The following PARD3 variants were observed in gnomAD, a reference collection of about 807,000 sequenced individuals.
PARD3 encodes the protein par-3 family cell polarity regulator, also known as partitioning defective 3 homolog.
PARD3 carries 75 observed loss-of-function variants against 155.4 expected under a neutral mutation model. That is an observed-to-expected ratio of 0.48 (90% CI 0.40 to 0.58). PARD3 has a LOEUF of 0.58. Ranked by LOEUF, PARD3 falls within the 20% of genes least tolerant of loss-of-function variation. The pLI is 0.00. For synonymous variants in PARD3, 576 were observed against 610.5 expected (o/e 0.94, Z 0.83); for missense variants, 1,642 against 1,721.7 (o/e 0.95, Z 0.82).
chr10:34,111,019 A>G lies in PARD3; in HGVS notation c.*150T>C, dbSNP rs983464640. On this transcript the variant is annotated 3_prime_UTR_variant, in exon 25 of 25. Coordinates refer to ENST00000374788, the MANE Select transcript of PARD3 (RefSeq NM_001184785.2). ...AGTGGCAAAGACATTAAGGCCTTCC[A>G]TTTCTTTGCCTACACCGCTTAAAGG... The G allele has an allele frequency of 1.3e-6, 1 of 791,900 alleles. No homozygotes were observed. Among genetic ancestry groups the G allele is most frequent in the East Asian group, 2.5e-5 (1 of 39,542 alleles). 49.1% of individuals were successfully genotyped at this position (791,900 alleles called of 1,614,324 possible).
chr10:34,637,712 A>C (rs2092531704), intron 2 of PARD3, among the ~76,000 whole-genome samples: 1 of 152,188 alleles, frequency 6.6e-6, no homozygotes, highest in African/African-American at 2.4e-5. Flanking sequence ...GGCAGAGCAA[A>C]TGGGGAATCA....
At chr10:34,613,458 T>C (rs779856144) in intron 2 of PARD3, among the ~76,000 whole-genome samples, 4 of 152,252 alleles carry the variant, frequency 2.6e-5, no homozygotes, top group Non-Finnish European at 5.9e-5. Flanking sequence ...AATAGAGCTA[T>C]GTATCATAAA....
chr10:34,741,188 T>G (rs990235360), intron 1 of PARD3, among the ~76,000 whole-genome samples: 1 of 138,538 alleles, frequency 7.2e-6, no homozygotes, highest in African/African-American at 2.6e-5. Context: ...TTTTTTTTTT[T>G]TTTTTTGTTT....
chr10:34,218,013 G>A (rs1055951191), intron 22 of PARD3, among the ~76,000 whole-genome samples: 3 of 152,076 alleles, frequency 2.0e-5, no homozygotes, highest in Non-Finnish European at 4.4e-5. Flanking sequence ...GTTTGTGACC[G>A]ATGCCAGAAT....
intron 22 of PARD3, among the ~76,000 whole-genome samples, chr10:34,134,193 G>A (rs1441300161): frequency 6.6e-6 from 1 of 152,162 alleles, no homozygotes; most frequent in Non-Finnish European, 1.5e-5. Flanking sequence ...AACCGTAATG[G>A]TGTAGGCATG....
chr10:34,353,925 CTT>C lies in PARD3; in HGVS notation c.2067+5220_2067+5221del, dbSNP rs1220420639. On this transcript the variant is annotated intron_variant, in intron 14 of 24. Coordinates refer to ENST00000374788, the MANE Select transcript of PARD3 (RefSeq NM_001184785.2). ...GGCTTTAAACAATGGGAAGCCATCT[CTT>C]TTTCTTTGAAGAAAGAAAAAAGAAA... 8.6e-5 allele frequency among the ~76,000 whole-genome samples: 13 copies of C among 151,364 alleles called. No individual in the cohort carries two copies. In the East Asian group the frequency reaches 2.5e-3, roughly 29 times the overall value.
At chr10:34,799,982 A>ATGTTTTTATGTTTTATGT (rs1842697183) in intron 1 of PARD3, among the ~76,000 whole-genome samples, 1 of 151,918 alleles carries the variant, frequency 6.6e-6, no homozygotes, top group Admixed American at 6.6e-5. Flanking sequence ...AAAATAAATT[A>ATGTTTTTATGTTTTATGT]ACTAGGCATA....
At chr10:34,166,338 C>T (rs1293495933) in intron 22 of PARD3, among the ~76,000 whole-genome samples, 2 of 152,068 alleles carry the variant, frequency 1.3e-5, no homozygotes, top group Admixed American at 1.3e-4. Context: ...CAGGCCTGGG[C>T]GAGGTGGCTC....
At chr10:34,157,878 C>T (rs1220462130) in intron 22 of PARD3, among the ~76,000 whole-genome samples, 2 of 152,180 alleles carry the variant, frequency 1.3e-5, no homozygotes, top group Non-Finnish European at 2.9e-5. Flanking sequence ...GTGTTAACTA[C>T]AATTCTAACC....
At chr10:34,389,576 GC>G (rs1286849957) in intron 7 of PARD3, among the ~76,000 whole-genome samples, 1 of 152,162 alleles carries the variant, frequency 6.6e-6, no homozygotes, top group Non-Finnish European at 1.5e-5. Flanking sequence ...TACCACAACT[GC>G]CACCCAGCTG....
chr10:34,197,669 G>A (rs533014332), intron 22 of PARD3, among the ~76,000 whole-genome samples: 23 of 152,264 alleles, frequency 1.5e-4, no homozygotes, highest in South Asian at 8.3e-4. Flanking sequence ...CTAGTTCTTC[G>A]TTTGAATTCT....
At chr10:34,156,809 G>T (rs1231245605) in intron 22 of PARD3, among the ~76,000 whole-genome samples, 2 of 119,774 alleles carry the variant, frequency 1.7e-5, no homozygotes, top group Non-Finnish European at 3.4e-5. Flanking sequence ...TAAATTCCTT[G>T]TATCTTTGGT....
chr10:34,656,777 G>A (rs980029111), intron 2 of PARD3, among the ~76,000 whole-genome samples: 5 of 152,154 alleles, frequency 3.3e-5, no homozygotes, highest in African/African-American at 1.2e-4. Flanking sequence ...ACTCAGGGCC[G>A]CAGGAGAAGT....
chr10:34,285,283 G>A (rs1956331339), intron 20 of PARD3, among the ~76,000 whole-genome samples: 1 of 152,172 alleles, frequency 6.6e-6, no homozygotes, highest in South Asian at 2.1e-4. Flanking sequence ...AAGAGGGTCA[G>A]GCCCAGTGGT....
At chr10:34,378,736 A>G (rs181028493) in intron 9 of PARD3, among the ~76,000 whole-genome samples, 1 of 152,334 alleles carries the variant, frequency 6.6e-6, no homozygotes, top group African/African-American at 2.4e-5. Context: ...ACTCCCAAAC[A>G]AGGCAAATTA....
intron 2 of PARD3, among the ~76,000 whole-genome samples, chr10:34,634,597 T>C (rs893738920): frequency 6.6e-6 from 1 of 151,904 alleles, no homozygotes; most frequent in Non-Finnish European, 1.5e-5. Flanking sequence ...TAAAGAATTG[T>C]TCCATTCAAT....
chr10:34,354,554 T>C (rs1354879633), intron 14 of PARD3, among the ~76,000 whole-genome samples: 1 of 152,020 alleles, frequency 6.6e-6, no homozygotes. Flanking sequence ...GAAACCATGA[T>C]AGTGTGACAG....
intron 4 of PARD3, among the ~76,000 whole-genome samples, chr10:34,464,526 A>T (rs1009564866): frequency 6.6e-6 from 1 of 152,208 alleles, no homozygotes; most frequent in Admixed American, 6.5e-5. Flanking sequence ...AAAGAAAATA[A>T]TCAGAGATGC....
At position 34,611,931 on chromosome 10, in the gene PARD3, C is replaced by CA. The variant is rs146657203; in HGVS notation, c.222+84386_222+84387insT. ...TTCACACCATTCCCCTGCCTCAGCG[C>CA]CCCCCCTACCCCCCCGCCCCGAGTA... On this transcript the variant is annotated intron_variant, in intron 2 of 24. Transcript: ENST00000374788. Among the ~76,000 whole-genome samples, 28 of 56,684 alleles carry CA rather than the reference C, an allele frequency of 4.9e-4. No homozygotes were observed. In the East Asian group the frequency reaches 0.015, roughly 30 times the overall value. The allele number at this position is 56,684 out of a possible 152,430, so 37.2% of individuals were successfully genotyped here.
Sources: allele counts gnomAD v4.1 joint callset (sites outside exome capture counted in the v4.1 genomes callset), GRCh38; gene constraint gnomAD v4.1.1; transcripts MANE v1.5; gene names NCBI Gene and HGNC (gene_info 2026-07-23, HGNC 2026-07-21).